NTM: variants seen among roughly 807,000 people sequenced by gnomAD.
NTM encodes the protein neurotrimin.
A neutral mutation model predicts 42.1 loss-of-function variants in NTM; 13 were observed. That is an observed-to-expected ratio of 0.31 (90% CI 0.20 to 0.49). NTM has a LOEUF of 0.49. NTM is among the 20% of genes least tolerant of loss of function. The probability of loss-of-function intolerance (pLI) is 0.99; values close to 1 mark genes in which losing one functional copy is unlikely to be tolerated. For missense variants in NTM, 373 were observed against 452.8 expected, an observed-to-expected ratio of 0.82 and a Z score of 1.60; for synonymous variants, 187 against 179.2, an observed-to-expected ratio of 1.04 and a Z score of -0.35.
intron 2 of NTM, among the ~76,000 whole-genome samples, chr11:131,927,502 T>C (rs2058092714): frequency 6.6e-6 from 1 of 152,186 alleles, no homozygotes; most frequent in Non-Finnish European, 1.5e-5. Context: ...TTATCCACAG[T>C]AAATGGATGC....
chr11:132,330,043 G>A (rs2095768110), intron 7 of NTM, 110 bp from the exon 8 acceptor site: 2 of 1,491,988 alleles, frequency 1.3e-6, no homozygotes, highest in Non-Finnish European at 1.8e-6. Context: ...GAGGCGCAGG[G>A]ACGCTGCTGC....
chr11:132,117,128 C>G (rs1307573197), intron 2 of NTM, among the ~76,000 whole-genome samples: 1 of 152,170 alleles, frequency 6.6e-6, no homozygotes, highest in East Asian at 1.9e-4. Context: ...TATTAGAAAT[C>G]GTGAGTGTTC....
rs960820992 is a variant in NTM, at chr11:132,335,878, G to C, written c.*732G>C. On this transcript the variant is annotated 3_prime_UTR_variant, in exon 9 of 9. Coordinates refer to ENST00000683400, the MANE Select transcript of NTM (RefSeq NM_001352005.2). ...AAACTAAAAAAATACAACTGAGAAG[G>C]GTGAAGAGAAGTATGTTTGTTAAAC... is the stretch of plus-strand genomic sequence containing the variant. The C allele has an allele frequency of 9.8e-5, 15 of 152,294 alleles. No homozygotes were observed. The highest frequency in any genetic ancestry group is 3.6e-4 in the African/African-American group (15 of 41,356). 9.4% of individuals were successfully genotyped at this position (152,294 alleles called of 1,614,324 possible). A position where few individuals can be genotyped will look rare whatever the true frequency, so the allele number is the denominator to read the frequency against.
chr11:131,500,574 TA>T (rs1565569440), intron 1 of NTM, among the ~76,000 whole-genome samples: 17 of 14,562 alleles, frequency 1.2e-3, no homozygotes, highest in South Asian at 0.011. Flanking sequence ...TATATATATA[TA>T]TATTTTTTTT....
intron 1 of NTM, among the ~76,000 whole-genome samples, chr11:131,860,247 C>T (rs1323953418): frequency 6.6e-6 from 1 of 152,162 alleles, no homozygotes; most frequent in Non-Finnish European, 1.5e-5. Flanking sequence ...TCTGGAAGGG[C>T]TCCTGAGACT....
At chr11:131,669,028 C>T (rs966167360) in intron 1 of NTM, among the ~76,000 whole-genome samples, 72 of 152,182 alleles carry the variant, frequency 4.7e-4, no homozygotes, top group African/African-American at 1.5e-3. Flanking sequence ...CTTGGGGAAG[C>T]CACCACGCCC....
intron 1 of NTM, among the ~76,000 whole-genome samples, chr11:131,455,780 C>T (rs1161263998): frequency 6.6e-6 from 1 of 152,130 alleles, no homozygotes; most frequent in African/African-American, 2.4e-5. Context: ...GGACTGTCAG[C>T]AAGGCAGCGG....
At chr11:131,798,864 C>A (rs534731404) in intron 1 of NTM, among the ~76,000 whole-genome samples, 1 of 152,198 alleles carries the variant, frequency 6.6e-6, no homozygotes, top group Non-Finnish European at 1.5e-5. Flanking sequence ...CAGATGGTAA[C>A]GCCCAGTGAA....
intron 4 of NTM, among the ~76,000 whole-genome samples, chr11:132,269,348 A>G (rs760263030): frequency 6.6e-6 from 1 of 152,216 alleles, no homozygotes. Flanking sequence ...CAATGGAAAC[A>G]GAATGACTCA....
At chr11:132,024,962 G>C (rs2074962907) in intron 2 of NTM, among the ~76,000 whole-genome samples, 1 of 152,174 alleles carries the variant, frequency 6.6e-6, no homozygotes, top group African/African-American at 2.4e-5. Context: ...ATGCGATAAA[G>C]TGAATTACTA....
chr11:132,243,928 C>T (rs941057044), intron 4 of NTM, among the ~76,000 whole-genome samples: 3 of 152,150 alleles, frequency 2.0e-5, no homozygotes, highest in Non-Finnish European at 4.4e-5. Flanking sequence ...AGGGTTTAGA[C>T]CCTCCTTCAC....
intron 3 of NTM, among the ~76,000 whole-genome samples, chr11:132,174,901 G>A (rs1033234772): frequency 7.9e-5 from 12 of 152,020 alleles, no homozygotes; most frequent in African/African-American, 2.9e-4. Context: ...GGAGTGTGGA[G>A]CAGAATTCAT....
At chr11:131,898,032 T>C (rs1314639238) in intron 1 of NTM, among the ~76,000 whole-genome samples, 1 of 152,250 alleles carries the variant, frequency 6.6e-6, no homozygotes, top group Admixed American at 6.5e-5. Context: ...ATAGGCTGAT[T>C]ATTATTAATG....
intron 1 of NTM, among the ~76,000 whole-genome samples, chr11:131,832,307 T>C (rs1030398713): frequency 7.9e-5 from 12 of 151,950 alleles, no homozygotes; most frequent in African/African-American, 2.2e-4. Flanking sequence ...CAAAATTCAG[T>C]CTCAGCAGCC....
chr11:131,986,667 G>T (rs575674826), intron 2 of NTM, among the ~76,000 whole-genome samples: 2 of 150,758 alleles, frequency 1.3e-5, no homozygotes, highest in African/African-American at 5.0e-5. Flanking sequence ...TTAGCTGCTG[G>T]CATGTGACTT....
At chr11:131,920,317 A>G (rs573275947) in intron 2 of NTM, among the ~76,000 whole-genome samples, 1 of 152,190 alleles carries the variant, frequency 6.6e-6, no homozygotes, top group Admixed American at 6.5e-5. Context: ...CTTCATTCAT[A>G]TCTCCTGATG....
intron 1 of NTM, among the ~76,000 whole-genome samples, chr11:131,617,978 G>A (rs982909556): frequency 5.3e-5 from 8 of 152,180 alleles, no homozygotes; most frequent in African/African-American, 1.7e-4. Context: ...GGCCAGCGCC[G>A]GGCTACTCTG....
At chr11:131,953,510 T>C (rs530947436) in intron 2 of NTM, among the ~76,000 whole-genome samples, 1 of 152,314 alleles carries the variant, frequency 6.6e-6, no homozygotes, top group African/African-American at 2.4e-5. Context: ...GCATTAAAAT[T>C]ATATTAAAAT....
At chr11:131,533,925 C>T (rs957754003) in intron 1 of NTM, 1 of 152,314 alleles carries the variant, frequency 6.6e-6, no homozygotes, top group Non-Finnish European at 1.5e-5. Context: ...ACACAGTCTT[C>T]CCCACCCAGG....
Sources: allele counts gnomAD v4.1 joint callset (sites outside exome capture counted in the v4.1 genomes callset), GRCh38; gene constraint gnomAD v4.1.1; transcripts MANE v1.5; gene names NCBI Gene and HGNC (gene_info 2026-07-23, HGNC 2026-07-21).